Variants in ATG5 observed in about 807,000 individuals in gnomAD.
The protein encoded by ATG5 is autophagy related 5, also known as autophagy protein 5.
In ATG5, 14 loss-of-function variants were observed where a neutral mutation model predicts 36.5. The observed-to-expected ratio is 0.38, with a 90% CI of 0.25 to 0.60. ATG5 has a LOEUF of 0.60. Ranked by LOEUF, ATG5 falls within the 20% of genes least tolerant of loss-of-function variation. The pLI is 0.60. For missense variants in ATG5, 195 were observed against 326.7 expected, an observed-to-expected ratio of 0.60 and a Z score of 3.11; for synonymous variants, 95 against 101.5, an observed-to-expected ratio of 0.94 and a Z score of 0.38.
At chr6:106,251,666 AGG>A (rs374649148) in intron 5 of ATG5, among the ~76,000 whole-genome samples, 368 of 35,734 alleles carry the variant, frequency 0.01, no homozygotes, top group Non-Finnish European at 0.015. Context: ...GGAGGAAGGG[AGG>A]GGGAGGGGGA....
chr6:106,254,700 C>T (rs936098666), intron 5 of ATG5, among the ~76,000 whole-genome samples: 5 of 152,176 alleles, frequency 3.3e-5, no homozygotes, highest in African/African-American at 1.2e-4. Context: ...TTATCATTAT[C>T]TTTTAGGCTG....
rs1777350392 is a variant in ATG5 at position 106,224,019 on chromosome 6, G to A, written c.574-21930C>T. The stretch of plus-strand genomic sequence containing the variant: ...AGGAAATGTTTCAAAAACAGACTTC[G>A]CAGAAAGAACATCTATATGATATGA... On this transcript the variant is annotated intron_variant, in intron 6 of 7. Transcript: ENST00000369076. Among the ~76,000 whole-genome samples, 6 of 152,284 alleles carry A rather than the reference G, an allele frequency of 3.9e-5. No homozygotes were observed. The South Asian group carries it at 1.0e-3, about 26-fold the overall frequency.
At chr6:106,294,898 C>G (rs1780479704) in intron 3 of ATG5, among the ~76,000 whole-genome samples, 1 of 147,760 alleles carries the variant, frequency 6.8e-6, no homozygotes, top group Admixed American at 6.8e-5. Context: ...AAAAATAAAG[C>G]AGTGGGGGTA....
chr6:106,278,624 T>G (rs1169109557), intron 5 of ATG5, among the ~76,000 whole-genome samples: 2 of 152,240 alleles, frequency 1.3e-5, no homozygotes, highest in African/African-American at 2.4e-5. Flanking sequence ...ATTGCTTCCA[T>G]AACTCCATTT....
chr6:106,233,441 G>A (rs1008823283), intron 6 of ATG5, among the ~76,000 whole-genome samples: 11 of 152,168 alleles, frequency 7.2e-5, no homozygotes, highest in African/African-American at 2.4e-4. Flanking sequence ...CCTAACCCAA[G>A]CCCCAGTGTT....
chr6:106,319,724 G>A (rs1013854329), intron 1 of ATG5, among the ~76,000 whole-genome samples: 27 of 152,112 alleles, frequency 1.8e-4, no homozygotes, highest in Admixed American at 1.0e-3. Context: ...TTATTTGTAC[G>A]TCTCCTCCAG....
intron 6 of ATG5, among the ~76,000 whole-genome samples, chr6:106,218,074 T>A (rs556657647): frequency 1.3e-5 from 2 of 152,282 alleles, no homozygotes; most frequent in East Asian, 3.9e-4. Flanking sequence ...AATTTATCCA[T>A]CTGAGAAATG....
intron 5 of ATG5, among the ~76,000 whole-genome samples, chr6:106,260,980 G>T (rs1247076862): frequency 6.6e-6 from 1 of 152,164 alleles, no homozygotes; most frequent in East Asian, 1.9e-4. Context: ...GTGACACCTG[G>T]AAATGCGTAA....
At chr6:106,290,343 G>C (rs991586499) in intron 4 of ATG5, among the ~76,000 whole-genome samples, 2 of 149,918 alleles carry the variant, frequency 1.3e-5, no homozygotes, top group Non-Finnish European at 3.0e-5. Context: ...TATTTTTAGA[G>C]AGAGTTTTGC....
intron 5 of ATG5, among the ~76,000 whole-genome samples, chr6:106,249,867 C>T (rs1447174707): frequency 2.0e-5 from 3 of 152,206 alleles, no homozygotes; most frequent in Non-Finnish European, 4.4e-5. Context: ...CTATGCTGAG[C>T]ATCTTCTCAT....
chr6:106,321,598 T>C (rs953739820), intron 1 of ATG5, among the ~76,000 whole-genome samples: 1 of 152,154 alleles, frequency 6.6e-6, no homozygotes, highest in Admixed American at 6.5e-5. Flanking sequence ...GACCTCATGA[T>C]CCGCCTGCCT....
Position 106,252,001 on chromosome 6 carries a change from C to T in ATG5, c.479-3757G>A, listed in dbSNP as rs551451909. ...GGTTATAGGCATGCATCATCACGCCCGGCTAATTTTTGTATTTTTAGTAGA... is the reference window on the plus strand; with the variant it reads ...GGTTATAGGCATGCATCATCACGCCTGGCTAATTTTTGTATTTTTAGTAGA... On this transcript the variant is annotated intron_variant, in intron 5 of 7. Coordinates refer to ENST00000369076, the MANE Select transcript of ATG5 (RefSeq NM_004849.4). Among the ~76,000 whole-genome samples the T allele has an allele frequency of 3.4e-4, 52 of 152,052 alleles. 1 individual carries two copies. In the South Asian group the frequency reaches 7.9e-3, roughly 23 times the overall value.
At chr6:106,305,756 T>C (rs1217464770) in intron 3 of ATG5, among the ~76,000 whole-genome samples, 2 of 152,236 alleles carry the variant, frequency 1.3e-5, no homozygotes, top group Non-Finnish European at 2.9e-5. Flanking sequence ...TGATGGAAAT[T>C]CACAGAACTA....
rs182594285 is a variant in ATG5 at position 106,185,185 on chromosome 6, G to A, written c.*1355C>T. Reference sequence around the variant, plus strand: ...AATGTGCTATTAATCAGTGAAAATCGCAAAAGGAAAAAGAAAAGGAAGCAA... The same window carrying A: ...AATGTGCTATTAATCAGTGAAAATCACAAAAGGAAAAAGAAAAGGAAGCAA... On this transcript the variant is annotated 3_prime_UTR_variant, in exon 8 of 8. Transcript: ENST00000369076. The A allele has an allele frequency of 3.3e-5, 5 of 152,630 alleles. No individual in the cohort carries two copies. Among genetic ancestry groups the A allele is most frequent in the Admixed American group, 6.6e-5 (1 of 15,264 alleles). 9.5% of individuals were successfully genotyped at this position (152,630 alleles called of 1,614,324 possible). A position where few individuals can be genotyped will look rare whatever the true frequency, so the allele number is the denominator to read the frequency against.
chr6:106,270,191 A>G (rs1345058584), intron 5 of ATG5, among the ~76,000 whole-genome samples: 1 of 152,170 alleles, frequency 6.6e-6, no homozygotes, highest in Non-Finnish European at 1.5e-5. Context: ...AAATGCATGA[A>G]CTCTAAAAAT....
intron 5 of ATG5, among the ~76,000 whole-genome samples, chr6:106,251,364 C>T (rs959672093): frequency 2.6e-5 from 4 of 152,158 alleles, no homozygotes; most frequent in Non-Finnish European, 5.9e-5. Flanking sequence ...GGACCCCTTA[C>T]AAGTTTGGTC....
intron 6 of ATG5, among the ~76,000 whole-genome samples, chr6:106,228,236 G>A (rs1035403230): frequency 2.0e-5 from 3 of 151,996 alleles, no homozygotes; most frequent in Non-Finnish European, 4.4e-5. Context: ...GTTACGGCTC[G>A]AGCTGAGCTT....
intron 6 of ATG5, among the ~76,000 whole-genome samples, chr6:106,203,209 T>C (rs1466298609): frequency 6.6e-6 from 1 of 152,238 alleles, no homozygotes; most frequent in Non-Finnish European, 1.5e-5. Context: ...TACATCGTAA[T>C]TTATTGCTAA....
intron 6 of ATG5, among the ~76,000 whole-genome samples, chr6:106,243,530 GAA>G (rs1554218336): frequency 1.1e-4 from 15 of 133,368 alleles, no homozygotes; most frequent in African/African-American, 1.3e-4. Context: ...CCTCTCTGGG[GAA>G]AAAAAAAAAA....
Sources: allele counts gnomAD v4.1 joint callset (sites outside exome capture counted in the v4.1 genomes callset), GRCh38; gene constraint gnomAD v4.1.1; transcripts MANE v1.5; gene names NCBI Gene and HGNC (gene_info 2026-07-23, HGNC 2026-07-21).